The following KBTBD12 variants were observed in gnomAD, a reference collection of about 807,000 sequenced individuals.
KBTBD12 encodes the protein kelch repeat and BTB domain containing 12, also known as kelch repeat and BTB domain-containing protein 12.
KBTBD12 carries 53 observed loss-of-function variants against 58.7 expected under a neutral mutation model. The observed-to-expected ratio is 0.90, with a 90% CI of 0.72 to 1.14. The LOEUF (loss-of-function observed/expected upper bound fraction) is 1.14. Ranked by LOEUF, KBTBD12 falls within the 50% of genes most tolerant of loss-of-function variation. KBTBD12 has a pLI of 0.00. For synonymous variants in KBTBD12, 236 were observed against 259.8 expected, an observed-to-expected ratio of 0.91 and a Z score of 0.88; for missense variants, 704 against 751.3, an observed-to-expected ratio of 0.94 and a Z score of 0.74.
chr3:127,931,800 GA>G (rs2107594138), intron 4 of KBTBD12, among the ~76,000 whole-genome samples: 1 of 152,118 alleles, frequency 6.6e-6, no homozygotes, highest in East Asian at 1.9e-4. Flanking sequence ...GGTGCAATGG[GA>G]GGGGGCAAAA....
At chr3:127,957,711 C>T (rs1940347075) in intron 4 of KBTBD12, among the ~76,000 whole-genome samples, 1 of 152,092 alleles carries the variant, frequency 6.6e-6, no homozygotes, top group Non-Finnish European at 1.5e-5. Context: ...CTGACCCACC[C>T]ATGCATTCTG....
intron 4 of KBTBD12, among the ~76,000 whole-genome samples, chr3:127,942,439 C>T (rs1939973015): frequency 6.6e-6 from 1 of 151,912 alleles, no homozygotes; most frequent in Admixed American, 6.6e-5. Flanking sequence ...TTTTCTGTGT[C>T]TGGCTTATTT....
At chr3:127,925,295 AG>A (rs1939542037) in intron 2 of KBTBD12, among the ~76,000 whole-genome samples, 1 of 152,276 alleles carries the variant, frequency 6.6e-6, no homozygotes, top group South Asian at 2.1e-4. Context: ...GAGAGACTAC[AG>A]AGCCAGGAGA....
intron 4 of KBTBD12, among the ~76,000 whole-genome samples, chr3:127,941,235 C>T (rs1223432460): frequency 1.3e-5 from 2 of 152,130 alleles, no homozygotes; most frequent in East Asian, 3.8e-4. Flanking sequence ...AAAAAGAAAA[C>T]TACAGATCAA....
At chr3:127,973,835 C>T (rs537704658) in intron 5 of KBTBD12, among the ~76,000 whole-genome samples, 80 of 152,146 alleles carry the variant, frequency 5.3e-4, no homozygotes, top group Admixed American at 2.6e-4. Context: ...ATGGTGGCCA[C>T]TATGCTACAA....
chr3:127,935,872 T>C (rs1939819628), intron 4 of KBTBD12, among the ~76,000 whole-genome samples: 1 of 152,170 alleles, frequency 6.6e-6, no homozygotes, highest in Non-Finnish European at 1.5e-5. Context: ...TTTACTATCA[T>C]TTTATAATAA....
rs372740662 is a variant in KBTBD12, at chr3:127,930,113, G to A, written c.1342-20G>A. On this transcript the variant is annotated intron_variant, in intron 3 of 5. Coordinates refer to ENST00000405109, the MANE Select transcript of KBTBD12 (RefSeq NM_207335.4). ...TTGCTAAATGATATGTTATTATATT[G>A]GCTGTCATATTTCATACAGATGGAT... 1 of 1,559,738 alleles carries A rather than the reference G, an allele frequency of 6.4e-7. No homozygotes were observed. Among genetic ancestry groups the A allele is most frequent in the African/African-American group, 1.4e-5 (1 of 73,718 alleles).
intron 4 of KBTBD12, among the ~76,000 whole-genome samples, chr3:127,937,028 A>G (rs1257660291): frequency 6.6e-6 from 1 of 152,164 alleles, no homozygotes; most frequent in Non-Finnish European, 1.5e-5. Flanking sequence ...TACCTGGAAA[A>G]AGCAAATTCA....
chr3:127,971,536 C>T (rs1026604393), intron 5 of KBTBD12, among the ~76,000 whole-genome samples: 3 of 152,178 alleles, frequency 2.0e-5, no homozygotes, highest in Admixed American at 2.0e-4. Context: ...CTGTCTGTTT[C>T]CCCGAACTCT....
At chr3:127,954,266 C>T (rs1940272150) in intron 4 of KBTBD12, among the ~76,000 whole-genome samples, 1 of 152,060 alleles carries the variant, frequency 6.6e-6, no homozygotes, top group South Asian at 2.1e-4. Context: ...AATATTAATG[C>T]CTTGTTTTCA....
intron 4 of KBTBD12, among the ~76,000 whole-genome samples, chr3:127,947,978 A>G (rs891434076): frequency 6.6e-6 from 1 of 152,234 alleles, no homozygotes; most frequent in Non-Finnish European, 1.5e-5. Flanking sequence ...CGTAATGATC[A>G]CTGCATTATG....
intron 5 of KBTBD12, among the ~76,000 whole-genome samples, chr3:127,975,719 A>G (rs867661041): frequency 6.6e-6 from 1 of 152,196 alleles, no homozygotes; most frequent in Non-Finnish European, 1.5e-5. Context: ...CAAATTTGAA[A>G]AATTGACACT....
chr3:127,978,581 G>A (rs1053948815), intron 5 of KBTBD12, among the ~76,000 whole-genome samples: 17 of 152,142 alleles, frequency 1.1e-4, no homozygotes, highest in African/African-American at 2.9e-4. Context: ...AAGGAAGAGG[G>A]CTCCTATGGG....
chr3:127,971,001 T>C (rs1940673172), intron 5 of KBTBD12, among the ~76,000 whole-genome samples: 1 of 152,158 alleles, frequency 6.6e-6, no homozygotes, highest in Non-Finnish European at 1.5e-5. Flanking sequence ...TTCTCTTATA[T>C]CCTCACAGTA....
chr3:127,977,996 T>C (rs534738322), intron 5 of KBTBD12, among the ~76,000 whole-genome samples: 1 of 152,336 alleles, frequency 6.6e-6, no homozygotes, highest in Non-Finnish European at 1.5e-5. Flanking sequence ...CTTGAGTTGA[T>C]TTTTGTATAT....
rs563608865 is a variant in KBTBD12, at chr3:127,969,935, C to CA, written c.1690+6559dup. Among the ~76,000 whole-genome samples, 41 of 143,962 alleles carry CA rather than the reference C, an allele frequency of 2.8e-4. No individual in the cohort carries two copies. The South Asian group carries it at 4.5e-3, about 16-fold the overall frequency. 94.4% of individuals were successfully genotyped at this position (143,962 alleles called of 152,430 possible). ...CTTAGAAATGCCAAAGCACACATACCAAAAAAAAAAGATAAATTGTACATC... is the reference window on the plus strand; with the variant it reads ...CTTAGAAATGCCAAAGCACACATACCAAAAAAAAAAAGATAAATTGTACATC... On this transcript the variant is annotated intron_variant, in intron 5 of 5. Transcript: ENST00000405109.
At chr3:127,965,520 G>A (rs1440895349) in intron 5 of KBTBD12, among the ~76,000 whole-genome samples, 1 of 152,198 alleles carries the variant, frequency 6.6e-6, no homozygotes, top group African/African-American at 2.4e-5. Flanking sequence ...TTTTCTCCCT[G>A]TGTGACACAG....
rs1940942178 is a variant in KBTBD12 at position 127,985,103 on chromosome 3, T to A, written c.*825T>A. 1.3e-5 allele frequency: 2 copies of A among 152,314 alleles called. No homozygotes were observed. The highest frequency in any genetic ancestry group is 4.8e-5 in the African/African-American group (2 of 41,406). 9.4% of individuals were successfully genotyped at this position (152,314 alleles called of 1,614,324 possible). ...TCCACTCCGGGGCTGGCAGGGAGTGTCCTGGAGTGGGCTGACCCAGGCTGC... is the reference window on the plus strand; with the variant it reads ...TCCACTCCGGGGCTGGCAGGGAGTGACCTGGAGTGGGCTGACCCAGGCTGC... On this transcript the variant is annotated 3_prime_UTR_variant, in exon 6 of 6. Coordinates refer to ENST00000405109, the MANE Select transcript of KBTBD12 (RefSeq NM_207335.4).
intron 3 of KBTBD12, 110 bp from the exon 4 acceptor site, chr3:127,930,023 A>G (rs1939665080): frequency 2.2e-6 from 2 of 910,618 alleles, no homozygotes; most frequent in Non-Finnish European, 3.3e-6. Context: ...GAGTCACTGC[A>G]GTTAACCTCT....
Sources: gnomAD v4.1 joint callset for allele counts (sites outside exome capture counted in the v4.1 genomes callset) on GRCh38, gnomAD v4.1.1 for gene constraint, MANE v1.5 for transcripts, NCBI Gene and HGNC (gene_info 2026-07-23, HGNC 2026-07-21) for gene names.